The following ARF4 variants were observed in gnomAD, a reference collection of about 807,000 sequenced individuals.
The protein encoded by ARF4 is ADP-ribosylation factor 4.
ARF4 carries 5 observed loss-of-function variants against 24.3 expected under a neutral mutation model. The ratio of observed to expected loss-of-function variants is 0.21; its 90% CI spans 0.11 to 0.43. The LOEUF (loss-of-function observed/expected upper bound fraction) is 0.43, where lower values mean the gene tolerates loss of function less well. Among genes scored for constraint, ARF4 ranks in the 20% least tolerant of loss-of-function variants. ARF4 has a pLI of 1.00. For missense variants in ARF4, 107 were observed against 213.0 expected (o/e 0.50, Z 3.10); for synonymous variants, 62 against 73.5 (o/e 0.84, Z 0.80).
At chr3:57,589,680 G>C (rs1211283077) in intron 1 of ARF4, among the ~76,000 whole-genome samples, 1 of 150,586 alleles carries the variant, frequency 6.6e-6, no homozygotes, top group South Asian at 2.1e-4. Context: ...ACCGCGCCAC[G>C]GCACTCCAGC....
intron 1 of ARF4, among the ~76,000 whole-genome samples, chr3:57,585,555 T>C (rs965180441): frequency 6.6e-6 from 1 of 152,188 alleles, no homozygotes; most frequent in Non-Finnish European, 1.5e-5. Flanking sequence ...ACATGGCACA[T>C]GTATACATAT....
chr3:57,577,297 TTTAAAGTA>T lies in ARF4; in HGVS notation c.330+11_330+18del. 6.2e-7 allele frequency: 1 copy of T among 1,600,420 alleles called. No homozygotes were observed. Among genetic ancestry groups the T allele is most frequent in the East Asian group, 2.2e-5 (1 of 44,718 alleles). On this transcript the variant is annotated intron_variant, in intron 4 of 5. Transcript: ENST00000303436. ...AAAAGCACACCTTGAAAATGATGAA[TTTAAAGTA>T]TATTTCTTACCATTTTCTGCAGCTC...
chr3:57,588,988 G>A (rs898608538), intron 1 of ARF4, among the ~76,000 whole-genome samples: 5 of 152,136 alleles, frequency 3.3e-5, no homozygotes, highest in Admixed American at 3.3e-4. Context: ...TGTAATCCCA[G>A]CTACTCGGGA....
chr3:57,575,708 A>G (rs371892337), intron 4 of ARF4, 35 bp from the exon 5 acceptor site: 22 of 1,568,488 alleles, frequency 1.4e-5, no homozygotes, highest in Non-Finnish European at 1.7e-5. Flanking sequence ...ACAACTACCA[A>G]CCGGAATCCA....
At chr3:57,578,145 G>A (rs944174015) in intron 3 of ARF4, among the ~76,000 whole-genome samples, 6 of 152,098 alleles carry the variant, frequency 3.9e-5, no homozygotes, top group East Asian at 1.9e-4. Flanking sequence ...GTGGGATAGC[G>A]CGAGTGTGTA....
chr3:57,590,793 C>T (rs578122011), intron 1 of ARF4, among the ~76,000 whole-genome samples: 5 of 152,264 alleles, frequency 3.3e-5, no homozygotes, highest in South Asian at 4.1e-4. Flanking sequence ...ATCCTCCCAC[C>T]TCAGCCTCCC....
At chr3:57,573,786 T>C (rs1178415834) in intron 5 of ARF4, among the ~76,000 whole-genome samples, 1 of 152,174 alleles carries the variant, frequency 6.6e-6, no homozygotes, top group Admixed American at 6.5e-5. Context: ...TTTACCATGT[T>C]GCCCAGGCTG....
chr3:57,572,362 C>G (rs1332689849), intron 5 of ARF4, 64 bp from the exon 6 acceptor site: 1 of 1,228,976 alleles, frequency 8.1e-7, no homozygotes, highest in African/African-American at 1.5e-5. Context: ...AGTGTTTAAA[C>G]TTTCTTAATC....
rs533198511 is a variant in ARF4, at chr3:57,579,705, G to GT, written c.259-2319dup. Among the ~76,000 whole-genome samples the GT allele has an allele frequency of 2.6e-3, 393 of 152,264 alleles. 3 individuals carry two copies. Among genetic ancestry groups the GT allele is most frequent in the African/African-American group, 8.9e-3 (369 of 41,552 alleles). On this transcript the variant is annotated intron_variant, in intron 3 of 5. Transcript: ENST00000303436. Reference sequence around the variant, plus strand: ...ACAATTTCCTTTGTTTTAGCAAATTGTAAGTCCATTTCCTTTATCTCTGTT... The same window carrying GT: ...ACAATTTCCTTTGTTTTAGCAAATTGTTAAGTCCATTTCCTTTATCTCTGTT...
At chr3:57,580,067 T>C (rs1219436048) in intron 3 of ARF4, among the ~76,000 whole-genome samples, 2 of 152,118 alleles carry the variant, frequency 1.3e-5, no homozygotes, top group Non-Finnish European at 2.9e-5. Flanking sequence ...ATCATGCCAC[T>C]GCACTCTAGC....
chr3:57,584,535 T>G (rs1389201562), intron 1 of ARF4, 71 bp from the exon 2 acceptor site: 4 of 1,350,870 alleles, frequency 3.0e-6, no homozygotes, highest in Non-Finnish European at 4.2e-6. Flanking sequence ...TACAATAAAT[T>G]TATAGTTCAA....
chr3:57,585,375 A>G (rs1055634697), intron 1 of ARF4, among the ~76,000 whole-genome samples: 4 of 152,216 alleles, frequency 2.6e-5, no homozygotes, highest in Admixed American at 6.5e-5. Context: ...ACTATGTCCT[A>G]GTGACCTTAT....
intron 3 of ARF4, among the ~76,000 whole-genome samples, chr3:57,582,774 C>G (rs2069991572): frequency 6.6e-6 from 1 of 151,812 alleles, no homozygotes; most frequent in Non-Finnish European, 1.5e-5. Context: ...TAAAAAAAAA[C>G]TGACAAGAAA....
At chr3:57,597,035 C>G in intron 1 of ARF4, 39 bp downstream of exon 1, 1 of 1,606,788 alleles carries the variant, frequency 6.2e-7, no homozygotes, top group African/African-American at 1.3e-5. Context: ...GAGACCCTGC[C>G]TTTCCCAGGT....
At chr3:57,578,382 C>T (rs1481514068) in intron 3 of ARF4, among the ~76,000 whole-genome samples, 2 of 151,236 alleles carry the variant, frequency 1.3e-5, no homozygotes, top group African/African-American at 4.9e-5. Flanking sequence ...TGTCAAAACC[C>T]TATCTCTTAA....
At chr3:57,583,676 C>G (rs2070002461) in intron 3 of ARF4, among the ~76,000 whole-genome samples, 1 of 152,108 alleles carries the variant, frequency 6.6e-6, no homozygotes, top group African/African-American at 2.4e-5. Context: ...GCACCCACCC[C>G]ATCTTCCAAA....
At chr3:57,589,316 T>TA (rs1438270747) in intron 1 of ARF4, among the ~76,000 whole-genome samples, 1 of 151,670 alleles carries the variant, frequency 6.6e-6, no homozygotes, top group Non-Finnish European at 1.5e-5. Context: ...TATTCCCAGC[T>TA]ACGTGGGAGG....
intron 3 of ARF4, among the ~76,000 whole-genome samples, chr3:57,582,716 A>C (rs980436688): frequency 1.2e-4 from 13 of 107,676 alleles, no homozygotes; most frequent in African/African-American, 3.5e-4. Flanking sequence ...CAAGTCTTAA[A>C]AATATAAAGT....
chr3:57,574,405 C>CA (rs1015294982), intron 5 of ARF4, among the ~76,000 whole-genome samples: 1 of 106,802 alleles, frequency 9.4e-6, no homozygotes, highest in African/African-American at 2.9e-5. Context: ...TAGAGAAGTA[C>CA]AAATTTTTTT....
Sources: allele counts gnomAD v4.1 joint callset (sites outside exome capture counted in the v4.1 genomes callset), GRCh38; gene constraint gnomAD v4.1.1; transcripts MANE v1.5; gene names NCBI Gene and HGNC (gene_info 2026-07-23, HGNC 2026-07-21).